INPP5A: variants seen among roughly 807,000 people sequenced by gnomAD.
INPP5A encodes 43 kDa inositol polyphosphate 5-phophatase.
In INPP5A, 14 loss-of-function variants were observed where a neutral mutation model predicts 65.2. The observed-to-expected ratio is 0.21, with a 90% CI of 0.14 to 0.34. The LOEUF (loss-of-function observed/expected upper bound fraction) is 0.34. INPP5A is among the 10% of genes least tolerant of loss of function. The pLI, the probability that INPP5A is intolerant of heterozygous loss-of-function variation, is 1.00. For missense variants in INPP5A, 431 were observed against 545.6 expected (o/e 0.79, Z 2.09); for synonymous variants, 207 against 208.3 (o/e 0.99, Z 0.05).
At chr10:132,692,005 C>A (rs907140508) in intron 5 of INPP5A, among the ~76,000 whole-genome samples, 2 of 152,140 alleles carry the variant, frequency 1.3e-5, no homozygotes, top group African/African-American at 2.4e-5. Context: ...ATTCTCAGTG[C>A]CCCACACGGC....
chr10:132,596,973 A>G (rs950806293), intron 1 of INPP5A, among the ~76,000 whole-genome samples: 6 of 133,704 alleles, frequency 4.5e-5, no homozygotes, highest in African/African-American at 1.8e-4. Context: ...GCGTGTGTGC[A>G]TGCGTGTGTG....
At chr10:132,578,201 T>C (rs1390692455) in intron 1 of INPP5A, among the ~76,000 whole-genome samples, 4 of 152,200 alleles carry the variant, frequency 2.6e-5, no homozygotes, top group Admixed American at 6.5e-5. Flanking sequence ...AAATGAACCC[T>C]CTCCTTTTTT....
intron 8 of INPP5A, among the ~76,000 whole-genome samples, chr10:132,715,836 C>T (rs7090697): frequency 0.034 from 5,115 of 152,272 alleles, 279 homozygotes; most frequent in African/African-American, 0.11. Context: ...CTTTCTCAGA[C>T]TCGGAGACCT....
chr10:132,539,916 G>A (rs569264538), intron 1 of INPP5A, among the ~76,000 whole-genome samples: 1 of 152,324 alleles, frequency 6.6e-6, no homozygotes, highest in South Asian at 2.1e-4. Context: ...ACTTCCAGGT[G>A]CCCATGTATT....
intron 1 of INPP5A, among the ~76,000 whole-genome samples, chr10:132,572,048 G>A (rs1200853065): frequency 6.6e-6 from 1 of 152,204 alleles, no homozygotes; most frequent in Non-Finnish European, 1.5e-5. Context: ...AGCACAGGAC[G>A]AGCCTGCAGA....
At chr10:132,590,189 G>T (rs2133312272) in intron 1 of INPP5A, among the ~76,000 whole-genome samples, 1 of 152,292 alleles carries the variant, frequency 6.6e-6, no homozygotes, top group South Asian at 2.1e-4. Flanking sequence ...TCCTGCAGTG[G>T]TCAGATGCCG....
At chr10:132,683,710 G>T (rs1026130779) in intron 4 of INPP5A, among the ~76,000 whole-genome samples, 9 of 152,064 alleles carry the variant, frequency 5.9e-5, no homozygotes, top group African/African-American at 1.7e-4. Flanking sequence ...AAATTACAGG[G>T]TTTTTTGTTT....
Position 132,762,299 on chromosome 10 carries a change from A to G in INPP5A, c.904-3474A>G, listed in dbSNP as rs1414162662. Among the ~76,000 whole-genome samples the G allele has an allele frequency of 6.6e-6, 1 of 152,252 alleles. No individual in the cohort carries two copies. The highest frequency in any genetic ancestry group is 2.4e-5 in the African/African-American group (1 of 41,468). On this transcript the variant is annotated intron_variant, in intron 11 of 15. Transcript: ENST00000368594. This position sits in a 1 kb window ranked among gnomAD's most constrained non-coding sequence, Gnocchi z 4.6. ...GGAATGGAAGTAAATCCACACACAG[A>G]CATGTCAGAGTGAAACAGCGGAACA...
intron 11 of INPP5A, among the ~76,000 whole-genome samples, chr10:132,765,496 G>A (rs1846826106): frequency 6.6e-6 from 1 of 152,318 alleles, no homozygotes; most frequent in South Asian, 2.1e-4. Context: ...GGCAGTGCCC[G>A]AGGCCATGAG....
At chr10:132,634,316 G>A (rs1399221261) in intron 2 of INPP5A, among the ~76,000 whole-genome samples, 9 of 150,746 alleles carry the variant, frequency 6.0e-5, no homozygotes, top group Non-Finnish European at 1.3e-4. Context: ...GTGCCCCGGA[G>A]AGGCGTATCA....
At chr10:132,638,457 C>T (rs2072384933) in intron 2 of INPP5A, among the ~76,000 whole-genome samples, 1 of 152,252 alleles carries the variant, frequency 6.6e-6, no homozygotes, top group Non-Finnish European at 1.5e-5. Flanking sequence ...CTTCACAAAG[C>T]CTCACACCCC....
intron 2 of INPP5A, among the ~76,000 whole-genome samples, chr10:132,612,460 G>T (rs1365656317): frequency 6.6e-6 from 1 of 151,664 alleles, no homozygotes; most frequent in African/African-American, 2.4e-5. Flanking sequence ...CTGTTTTGGG[G>T]GTTCGGGGAG....
At chr10:132,542,716 A>T (rs762747718) in intron 1 of INPP5A, among the ~76,000 whole-genome samples, 8 of 152,020 alleles carry the variant, frequency 5.3e-5, no homozygotes. Flanking sequence ...CCCTCTGTGG[A>T]TCCTCCTTCT....
intron 6 of INPP5A, among the ~76,000 whole-genome samples, chr10:132,701,520 C>A (rs1385248113): frequency 1.3e-5 from 2 of 152,190 alleles, no homozygotes; most frequent in African/African-American, 4.8e-5. Flanking sequence ...GTATGTACAT[C>A]CAGAAGCTTC....
chr10:132,667,638 G>A (rs549193576), intron 4 of INPP5A, among the ~76,000 whole-genome samples: 4 of 152,114 alleles, frequency 2.6e-5, no homozygotes, highest in African/African-American at 4.8e-5. Context: ...CATTTGAATC[G>A]AGCATTAACA....
chr10:132,649,345 C>T (rs1410354543), intron 3 of INPP5A, among the ~76,000 whole-genome samples: 1 of 152,202 alleles, frequency 6.6e-6, no homozygotes, highest in South Asian at 2.1e-4. Context: ...TTGCCTCTTC[C>T]GGGTCTGTTT....
At chr10:132,591,321 T>G (rs2071616235) in intron 1 of INPP5A, among the ~76,000 whole-genome samples, 1 of 152,036 alleles carries the variant, frequency 6.6e-6, no homozygotes, top group Admixed American at 6.5e-5. Context: ...TATTTTTCCA[T>G]ATGAACTTTA....
At chr10:132,558,387 C>T (rs775719259) in intron 1 of INPP5A, among the ~76,000 whole-genome samples, 2 of 152,228 alleles carry the variant, frequency 1.3e-5, no homozygotes, top group Admixed American at 6.5e-5. Context: ...GCCTGACATC[C>T]AGTCCCCCTC....
chr10:132,546,335 T>C lies in INPP5A; in HGVS notation c.75+8164T>C, dbSNP rs2070971199. On this transcript the variant is annotated intron_variant, in intron 1 of 15. Transcript: ENST00000368594. The surrounding 1 kb of genome is among the most constrained non-coding windows in gnomAD (Gnocchi z 5.7). ...CGCTCCAGGTTCAGAAGATGCCGCT[T>C]CTGGTTTTTCCCCGTTGTGAGTGAG... Among the ~76,000 whole-genome samples, 2 of 152,106 alleles carry C rather than the reference T, an allele frequency of 1.3e-5. No homozygotes were observed. Among genetic ancestry groups the C allele is most frequent in the Admixed American group, 6.6e-5 (1 of 15,266 alleles).
Sources: gnomAD v4.1 joint callset for allele counts (sites outside exome capture counted in the v4.1 genomes callset) on GRCh38, gnomAD v4.1.1 for gene constraint, Gnocchi (gnomAD v3.1) non-coding constraint, MANE v1.5 for transcripts, NCBI Gene and HGNC (gene_info 2026-07-23, HGNC 2026-07-21) for gene names.